Variants in EIF4G3 observed in about 807,000 individuals in gnomAD.
EIF4G3 encodes eukaryotic translation initiation factor 4 gamma 3.
EIF4G3 carries 34 observed loss-of-function variants against 186.4 expected under a neutral mutation model. The observed-to-expected ratio is 0.18, with a 90% CI of 0.14 to 0.24. The LOEUF is 0.24. Ranked by LOEUF, EIF4G3 falls within the 10% of genes least tolerant of loss-of-function variation. The pLI, the probability that EIF4G3 is intolerant of heterozygous loss-of-function variation, is 1.00. For synonymous variants in EIF4G3, 673 were observed against 679.5 expected, an observed-to-expected ratio of 0.99 and a Z score of 0.15; for missense variants, 1,536 against 1,948.5, an observed-to-expected ratio of 0.79 and a Z score of 3.99.
intron 3 of EIF4G3, among the ~76,000 whole-genome samples, chr1:21,055,807 A>G (rs1271634814): frequency 6.6e-6 from 1 of 152,180 alleles, no homozygotes; most frequent in African/African-American, 2.4e-5. Flanking sequence ...GTACACTAGT[A>G]TCAACAGAAA....
intron 26 of EIF4G3, 73 bp downstream of exon 26, chr1:20,854,905 G>T: frequency 8.0e-7 from 1 of 1,247,562 alleles, no homozygotes; most frequent in Non-Finnish European, 1.2e-6. Flanking sequence ...ATCATTCGAT[G>T]ACTATGGGAA....
At chr1:20,876,790 G>T (rs940837347) in intron 20 of EIF4G3, among the ~76,000 whole-genome samples, 1 of 152,136 alleles carries the variant, frequency 6.6e-6, no homozygotes, top group African/African-American at 2.4e-5. Context: ...GAGCCTAGGA[G>T]TTTTTGAGAC....
intron 2 of EIF4G3, among the ~76,000 whole-genome samples, chr1:21,116,231 A>G (rs1483023522): frequency 6.6e-6 from 1 of 152,226 alleles, no homozygotes; most frequent in Non-Finnish European, 1.5e-5. Flanking sequence ...TATCTGAAAT[A>G]AATTTTCACC....
At position 20,844,224 on chromosome 1, in the gene EIF4G3, A is replaced by G. The variant is rs574199015; in HGVS notation, c.3889-3196T>C. ...ATTTCTGTCTCTAGGTCTCTCAGGA[A>G]TCGCCACACTTCCACAATGGTTGAA... On this transcript the variant is annotated intron_variant, in intron 29 of 36. Transcript: ENST00000602326. 6.6e-5 allele frequency among the ~76,000 whole-genome samples: 10 copies of G among 152,306 alleles called. No homozygotes were observed. In the South Asian group the frequency reaches 1.9e-3, roughly 28 times the overall value.
intron 3 of EIF4G3, among the ~76,000 whole-genome samples, chr1:21,052,345 G>C (rs79923966): frequency 0.03 from 4,511 of 152,218 alleles, 234 homozygotes; most frequent in African/African-American, 0.1. Flanking sequence ...TCTGTCCTCT[G>C]CTAAAATGAA....
intron 4 of EIF4G3, among the ~76,000 whole-genome samples, chr1:21,032,993 T>C (rs991651435): frequency 6.6e-6 from 1 of 152,198 alleles, no homozygotes; most frequent in Non-Finnish European, 1.5e-5. Context: ...ATATGCCTAC[T>C]AAGTCAGAAT....
chr1:21,112,359 T>C (rs2096740627), intron 2 of EIF4G3, among the ~76,000 whole-genome samples: 1 of 152,152 alleles, frequency 6.6e-6, no homozygotes, highest in Admixed American at 6.6e-5. Flanking sequence ...CAGCAGGTCT[T>C]CCAGTGAACA....
At chr1:20,939,060 T>C (rs1483098277) in intron 14 of EIF4G3, among the ~76,000 whole-genome samples, 2 of 149,396 alleles carry the variant, frequency 1.3e-5, no homozygotes, top group African/African-American at 4.9e-5. Flanking sequence ...TGAGCCGAGA[T>C]TGCACCACTG....
At chr1:20,943,872 A>T (rs1321831040) in intron 13 of EIF4G3, among the ~76,000 whole-genome samples, 1 of 152,150 alleles carries the variant, frequency 6.6e-6, no homozygotes, top group East Asian at 1.9e-4. Flanking sequence ...TAGTTACTGC[A>T]GTGATGAAAT....
rs1266313890 is a variant in EIF4G3 at position 20,829,288 on chromosome 1, G to A, written c.4062-16C>T. The A allele has an allele frequency of 3.7e-6, 6 of 1,607,900 alleles. No individual in the cohort carries two copies. In the African/African-American group the frequency reaches 8.1e-5, roughly 22 times the overall value. ...TTCTGAAAAACTGAAAAGGAACAGG[G>A]GGTAAAAATCACATGCAAATGTAAT... is the stretch of plus-strand genomic sequence containing the variant. On this transcript the variant is annotated splice_polypyrimidine_tract_variant and intron_variant, in intron 30 of 36. Transcript: ENST00000602326.
chr1:20,989,715 G>A (rs921199872), intron 7 of EIF4G3, among the ~76,000 whole-genome samples: 1 of 152,150 alleles, frequency 6.6e-6, no homozygotes, highest in African/African-American at 2.4e-5. Context: ...CCGGTAAGGA[G>A]CTGTGAACAT....
intron 4 of EIF4G3, among the ~76,000 whole-genome samples, chr1:21,013,782 G>C (rs2087941175): frequency 1.3e-5 from 2 of 152,252 alleles, no homozygotes; most frequent in South Asian, 4.1e-4. Flanking sequence ...CTTCACACCA[G>C]GCTGATACTC....
At chr1:21,000,766 T>G (rs2083336246) in intron 6 of EIF4G3, among the ~76,000 whole-genome samples, 2 of 151,984 alleles carry the variant, frequency 1.3e-5, no homozygotes, top group South Asian at 4.2e-4. Flanking sequence ...TAATGGTCAC[T>G]AGCAGAGCAG....
chr1:20,871,972 C>T (rs1168650924), intron 20 of EIF4G3, among the ~76,000 whole-genome samples: 1 of 151,946 alleles, frequency 6.6e-6, no homozygotes, highest in Non-Finnish European at 1.5e-5. Flanking sequence ...GATAGGCATG[C>T]GCCACCATGC....
chr1:20,839,471 C>G (rs1230235530), intron 30 of EIF4G3, among the ~76,000 whole-genome samples: 4 of 152,166 alleles, frequency 2.6e-5, no homozygotes, highest in African/African-American at 9.7e-5. Context: ...GAAGACAACG[C>G]TGTCATTGCT....
At chr1:21,072,214 T>C (rs2095463646) in intron 3 of EIF4G3, among the ~76,000 whole-genome samples, 1 of 152,072 alleles carries the variant, frequency 6.6e-6, no homozygotes, top group South Asian at 2.1e-4. Context: ...ATAATAAGTA[T>C]TGATGATAAA....
At chr1:20,850,017 G>C (rs79429351) in intron 28 of EIF4G3, among the ~76,000 whole-genome samples, 130 of 152,054 alleles carry the variant, frequency 8.5e-4, no homozygotes, top group African/African-American at 2.9e-3. Flanking sequence ...CATTCCTACT[G>C]GTCCTTCGGA....
chr1:20,935,806 T>C (rs1036594699), intron 14 of EIF4G3, among the ~76,000 whole-genome samples: 2 of 152,168 alleles, frequency 1.3e-5, no homozygotes, highest in Admixed American at 1.3e-4. Flanking sequence ...TAAGACTAGG[T>C]TTTCCTGTAG....
At chr1:21,105,532 GTTTTT>G (rs11357971) in intron 2 of EIF4G3, among the ~76,000 whole-genome samples, 5 of 151,508 alleles carry the variant, frequency 3.3e-5, no homozygotes, top group Admixed American at 6.6e-5. Flanking sequence ...CCTAAAATAT[GTTTTT>G]TTAAGATTAA....
Sources: allele counts gnomAD v4.1 joint callset (sites outside exome capture counted in the v4.1 genomes callset), GRCh38; gene constraint gnomAD v4.1.1; transcripts MANE v1.5; gene names NCBI Gene and HGNC (gene_info 2026-07-23, HGNC 2026-07-21).